The following NGLY1 variants were observed in gnomAD, a reference collection of about 807,000 sequenced individuals.
NGLY1 encodes peptide-N(4)-(N-acetyl-beta-glucosaminyl)asparagine amidase.
Under a neutral mutation model 84.6 loss-of-function variants are expected in NGLY1, and 68 were observed. The observed-to-expected ratio is 0.80, with a 90% CI of 0.66 to 0.98. The LOEUF (loss-of-function observed/expected upper bound fraction) is 0.98, where lower values mean the gene tolerates loss of function less well. Among genes scored for constraint, NGLY1 ranks in the 50% least tolerant of loss-of-function variants. The probability of loss-of-function intolerance (pLI) is 0.00; values close to 1 mark genes in which losing one functional copy is unlikely to be tolerated. For missense variants in NGLY1, 779 were observed against 770.2 expected (o/e 1.01, Z -0.14); for synonymous variants, 280 against 275.2 (o/e 1.02, Z -0.17).
intron 3 of NGLY1, among the ~76,000 whole-genome samples, chr3:25,752,521 G>A (rs1706808652): frequency 6.6e-6 from 1 of 151,786 alleles, no homozygotes; most frequent in African/African-American, 2.4e-5. Flanking sequence ...CGCCTGGCTA[G>A]ATATAAAAAT....
chr3:25,788,179 A>C (rs1432811156), upstream of NGLY1, among the ~76,000 whole-genome samples: 1 of 152,238 alleles, frequency 6.6e-6, no homozygotes. Context: ...GATAGGAAGA[A>C]AATGAGTGGT....
intron 11 of NGLY1, 25 bp downstream of exon 11, chr3:25,719,989 A>T: frequency 6.3e-7 from 1 of 1,591,106 alleles, no homozygotes; most frequent in Non-Finnish European, 8.6e-7. Flanking sequence ...ATATTTCGTG[A>T]TTAATTCTCC....
chr3:25,749,393 T>A, intron 4 of NGLY1: 5 of 732,682 alleles, frequency 6.8e-6, no homozygotes, highest in Admixed American at 2.3e-5. Context: ...ATGTGATATA[T>A]ACATAAACAG....
intron 8 of NGLY1, 149 bp from the exon 9 acceptor site, chr3:25,732,632 T>C: frequency 1.8e-6 from 1 of 551,712 alleles, no homozygotes; most frequent in South Asian, 3.5e-5. Context: ...ATTCAGAAAA[T>C]AAAAAGGACA....
intron 3 of NGLY1, among the ~76,000 whole-genome samples, chr3:25,753,089 T>C (rs1459436460): frequency 1.3e-5 from 2 of 151,836 alleles, no homozygotes; most frequent in Non-Finnish European, 2.9e-5. Flanking sequence ...AGCTAGTATG[T>C]ATGGAAAACA....
At chr3:25,721,910 G>C (rs1418966591) in intron 10 of NGLY1, among the ~76,000 whole-genome samples, 1 of 151,270 alleles carries the variant, frequency 6.6e-6, no homozygotes, top group African/African-American at 2.4e-5. Context: ...TGGGGGCACA[G>C]TTTCTGGATT....
chr3:25,719,481 A>G lies in NGLY1; in HGVS notation c.1944T>C (p.Ile648=). Reference sequence around the variant, plus strand: ...GTTCTCAAAGGTCACTGAATTTTATAATTATCTCCAAACAATTTTCTTCAT... The same window carrying G: ...GTTCTCAAAGGTCACTGAATTTTATGATTATCTCCAAACAATTTTCTTCAT... The part of the protein sequence containing the change: ...NDHEENCLEI[I]IKFSDL The change falls in exon 12 of 12, where the codon ATT becomes ATC. Residue 648 remains isoleucine (I), a synonymous_variant. Coordinates refer to ENST00000280700, the MANE Select transcript of NGLY1 (RefSeq NM_018297.4). The G allele has an allele frequency of 5.0e-6, 8 of 1,613,716 alleles. No homozygotes were observed. Among genetic ancestry groups the G allele is most frequent in the Non-Finnish European group, 6.8e-6 (8 of 1,179,758 alleles).
exon 1 of NGLY1, chr3:25,789,993 G>C (rs1180445425): frequency 8.5e-7 from 1 of 1,170,334 alleles, no homozygotes; most frequent in Non-Finnish European, 1.2e-6. Context: ...GCGGCTTAAA[G>C]TCAACCGGCG....
chr3:25,743,684 A>C (rs867073252), intron 4 of NGLY1, among the ~76,000 whole-genome samples: 5 of 152,180 alleles, frequency 3.3e-5, no homozygotes, highest in Non-Finnish European at 5.9e-5. Context: ...AAATATTTGA[A>C]TGATGAAAGG....
rs1705803708 is a variant in NGLY1, at chr3:25,736,085, T to C, written c.1068A>G (p.Glu356=). The part of the protein sequence containing the change: ...QQRWLHCDAC[E]DVCDKPLLYE... Reference sequence around the variant, plus strand: ...AAAGGAGTGGCTTGTCACAGACATCTTCACATGCATCACAGTGCAGCCACC... The same window carrying C: ...AAAGGAGTGGCTTGTCACAGACATCCTCACATGCATCACAGTGCAGCCACC... Residue 356 remains glutamate, a synonymous_variant, in exon 7 of 12, where the codon GAA becomes GAG. Transcript: ENST00000280700. 4 of 1,613,938 alleles carry C rather than the reference T, an allele frequency of 2.5e-6. No individual in the cohort carries two copies. Among genetic ancestry groups the C allele is most frequent in the South Asian group, 1.1e-5 (1 of 91,032 alleles).
intron 4 of NGLY1, among the ~76,000 whole-genome samples, chr3:25,748,425 A>C (rs1278524367): frequency 1.3e-5 from 2 of 152,212 alleles, no homozygotes; most frequent in Non-Finnish European, 2.9e-5. Context: ...CCTACGGCTA[A>C]AGCAAACAAG....
chr3:25,734,978 A>G (rs1705743028), intron 7 of NGLY1: 1 of 457,570 alleles, frequency 2.2e-6, no homozygotes, highest in South Asian at 9.3e-5. Flanking sequence ...TTCAATGGAG[A>G]AAAAATAATC....
chr3:25,773,766 G>A (rs1708013714), intron 2 of NGLY1, among the ~76,000 whole-genome samples: 1 of 152,122 alleles, frequency 6.6e-6, no homozygotes. Flanking sequence ...GAAGGATCAG[G>A]GGCTCAAGGG....
intron 2 of NGLY1, among the ~76,000 whole-genome samples, chr3:25,770,518 T>G (rs2125304635): frequency 6.6e-6 from 1 of 152,344 alleles, no homozygotes; most frequent in East Asian, 1.9e-4. Context: ...CAAACTGTGC[T>G]ACTAAAAACA....
intron 2 of NGLY1, among the ~76,000 whole-genome samples, chr3:25,769,864 A>G (rs1261943861): frequency 6.6e-6 from 1 of 151,896 alleles, no homozygotes; most frequent in South Asian, 2.1e-4. Flanking sequence ...TAAGTTCTTT[A>G]GTGGTAATTT....
At chr3:25,786,394 G>A (rs921959263), upstream of NGLY1, among the ~76,000 whole-genome samples, 7 of 150,928 alleles carry the variant, frequency 4.6e-5, no homozygotes, top group African/African-American at 1.7e-4. Flanking sequence ...TGAAATCCTG[G>A]GGAAAAAAAA....
chr3:25,775,919 C>T (rs368291102), intron 2 of NGLY1, among the ~76,000 whole-genome samples: 1 of 152,180 alleles, frequency 6.6e-6, no homozygotes, highest in African/African-American at 2.4e-5. Flanking sequence ...CAGATATGTT[C>T]ATTACACATT....
At chr3:25,782,415 C>T (rs1259287034) in intron 1 of NGLY1, among the ~76,000 whole-genome samples, 1 of 152,074 alleles carries the variant, frequency 6.6e-6, no homozygotes, top group East Asian at 1.9e-4. Flanking sequence ...ACCTCAGTTC[C>T]ATTTCCCTAC....
At chr3:25,782,972 G>T in intron 1 of NGLY1, 1 of 367,544 alleles carries the variant, frequency 2.7e-6, no homozygotes, top group Non-Finnish European at 5.0e-6. Flanking sequence ...CCTCTCCTCC[G>T]CCCGGCCCCG....
Sources: allele counts gnomAD v4.1 joint callset (sites outside exome capture counted in the v4.1 genomes callset), GRCh38; gene constraint gnomAD v4.1.1; transcripts MANE v1.5; gene names NCBI Gene and HGNC (gene_info 2026-07-23, HGNC 2026-07-21).